Variants in APLF observed in about 807,000 individuals in gnomAD.
APLF encodes aprataxin and PNKP like factor.
Under a neutral mutation model 55.6 loss-of-function variants are expected in APLF, and 61 were observed. The ratio of observed to expected loss-of-function variants is 1.10; its 90% CI spans 0.89 to 1.36. APLF has a LOEUF of 1.36. Ranked by LOEUF, APLF falls within the 40% of genes most tolerant of loss-of-function variation. APLF has a pLI of 0.00. For synonymous variants in APLF, 207 were observed against 214.8 expected (o/e 0.96, Z 0.32); for missense variants, 611 against 602.5 (o/e 1.01, Z -0.15).
intron 7 of APLF, among the ~76,000 whole-genome samples, chr2:68,542,799 C>T (rs963281466): frequency 3.3e-5 from 5 of 152,100 alleles, no homozygotes; most frequent in African/African-American, 1.2e-4. Context: ...ATAGAAATTC[C>T]ACTTCTGGGT....
At position 68,528,416 on chromosome 2, in the gene APLF, G is replaced by A; in HGVS notation, c.804+2174G>A. ...TAGACATGGAAGCTTAGCCGGTGGG[G>A]GCCTCTCATCTCTCTCCCACCTCAG... On this transcript the variant is annotated intron_variant, in intron 6 of 9. Transcript: ENST00000303795. 9 of 1,534,338 alleles carry A rather than the reference G, an allele frequency of 5.9e-6. No homozygotes were observed. The South Asian group carries it at 9.5e-5, about 16-fold the overall frequency.
chr2:68,541,679 T>C (rs1305310848), intron 7 of APLF, among the ~76,000 whole-genome samples: 1 of 152,184 alleles, frequency 6.6e-6, no homozygotes, highest in East Asian at 1.9e-4. Context: ...GCTGTCACAG[T>C]GTGCAAGCAG....
At chr2:68,549,459 CTATT>C (rs1160604558) in intron 8 of APLF, among the ~76,000 whole-genome samples, 2 of 151,976 alleles carry the variant, frequency 1.3e-5, no homozygotes, top group Non-Finnish European at 2.9e-5. Flanking sequence ...GCTCTAATAT[CTATT>C]ATAATTATCA....
intron 8 of APLF, among the ~76,000 whole-genome samples, chr2:68,559,376 T>C (rs1324889172): frequency 6.6e-6 from 1 of 152,198 alleles, no homozygotes; most frequent in Non-Finnish European, 1.5e-5. Flanking sequence ...TTCCTTTCTG[T>C]TCTTATTTCT....
intron 5 of APLF, among the ~76,000 whole-genome samples, chr2:68,521,841 A>T (rs1669906856): frequency 6.6e-6 from 1 of 151,996 alleles, no homozygotes; most frequent in Non-Finnish European, 1.5e-5. Context: ...TCACCATGGC[A>T]ATTTGATGCA....
At chr2:68,520,513 A>G (rs957756885) in intron 5 of APLF, among the ~76,000 whole-genome samples, 1 of 152,018 alleles carries the variant, frequency 6.6e-6, no homozygotes. Flanking sequence ...ATGAGGATCC[A>G]GTTTCATTCT....
At chr2:68,482,758 G>C (rs1048668390) in intron 1 of APLF, among the ~76,000 whole-genome samples, 2 of 152,162 alleles carry the variant, frequency 1.3e-5, no homozygotes, top group African/African-American at 4.8e-5. Flanking sequence ...CCACCAGACT[G>C]TTTCCTCATT....
At chr2:68,469,867 G>A (rs992032535) in intron 1 of APLF, among the ~76,000 whole-genome samples, 2 of 152,272 alleles carry the variant, frequency 1.3e-5, no homozygotes, top group African/African-American at 4.8e-5. Context: ...TCTTAATTGG[G>A]CATGTTTTTC....
chr2:68,554,338 T>G (rs1482634034), intron 8 of APLF, among the ~76,000 whole-genome samples: 2 of 152,134 alleles, frequency 1.3e-5, no homozygotes, highest in Non-Finnish European at 2.9e-5. Flanking sequence ...CTACAGGCAT[T>G]GTTAACATTT....
Position 68,564,762 on chromosome 2 carries a change from A to G in APLF, c.1287-2579A>G, listed in dbSNP as rs114657511. On this transcript the variant is annotated intron_variant, in intron 8 of 9. Coordinates refer to ENST00000303795, the MANE Select transcript of APLF (RefSeq NM_173545.3). ...TATAGTCACTAACCTCATACTTTCA[A>G]TCATAGCATTTCTACCTATAGAATG... 5.6e-3 allele frequency among the ~76,000 whole-genome samples: 848 copies of G among 152,132 alleles called. 5 individuals carry two copies. The highest frequency in any genetic ancestry group is 0.019 in the African/African-American group (802 of 41,522).
rs953960129 is a variant in APLF, at chr2:68,559,199, G to A, written c.1287-8142G>A. Among the ~76,000 whole-genome samples, 4 of 152,066 alleles carry A rather than the reference G, an allele frequency of 2.6e-5. No individual in the cohort carries two copies. The South Asian group carries it at 8.3e-4, about 32-fold the overall frequency. Reference sequence around the variant, plus strand: ...AGGTGGATTGCTTGTGCTCTGGGGGGTCTTGATTCACTGTGGAGAGATCTA... The same window carrying A: ...AGGTGGATTGCTTGTGCTCTGGGGGATCTTGATTCACTGTGGAGAGATCTA... On this transcript the variant is annotated intron_variant, in intron 8 of 9. Coordinates refer to ENST00000303795, the MANE Select transcript of APLF (RefSeq NM_173545.3).
intron 2 of APLF, among the ~76,000 whole-genome samples, chr2:68,494,429 C>T (rs1427903229): frequency 6.6e-6 from 1 of 151,738 alleles, no homozygotes; most frequent in Admixed American, 6.6e-5. Context: ...GGGAAATAGG[C>T]ATGTCACATG....
At chr2:68,485,809 CTTTT>C (rs1189243777) in intron 1 of APLF, among the ~76,000 whole-genome samples, 2 of 129,196 alleles carry the variant, frequency 1.5e-5, no homozygotes, top group Non-Finnish European at 3.2e-5. Context: ...TTTATTATCT[CTTTT>C]TTTTTTTTTT....
At chr2:68,541,346 G>A (rs1670542271) in intron 7 of APLF, among the ~76,000 whole-genome samples, 1 of 152,108 alleles carries the variant, frequency 6.6e-6, no homozygotes, top group Non-Finnish European at 1.5e-5. Flanking sequence ...TATTAGAAGG[G>A]TGAAAAGGCA....
rs946618076 is a variant in APLF at position 68,529,170 on chromosome 2, G to GA, written c.804+2928_804+2929insA. 7.0e-6 allele frequency: 9 copies of GA among 1,292,898 alleles called. No homozygotes were observed. The African/African-American group carries it at 8.9e-5, about 13-fold the overall frequency. 80.1% of individuals were successfully genotyped at this position (1,292,898 alleles called of 1,614,324 possible). On this transcript the variant is annotated intron_variant, in intron 6 of 9. Transcript: ENST00000303795. This position sits in a 1 kb window ranked among gnomAD's most constrained non-coding sequence, Gnocchi z 4.4. ...AGCACGGGTTTCTTCCTTGAGGGGG[G>GA]GCTCCAGACAACAGGAGGCAGGACC...
At chr2:68,573,104 A>G (rs1433797035) in intron 9 of APLF, among the ~76,000 whole-genome samples, 2 of 152,200 alleles carry the variant, frequency 1.3e-5, no homozygotes, top group Non-Finnish European at 2.9e-5. Flanking sequence ...AGTAAATAAT[A>G]TGTTGTTTTA....
Position 68,578,262 on chromosome 2 carries a change from A to G in APLF, c.*240A>G. ...AGCATCTGGAAATAGGAAGACAGAG[A>G]AGGTAGAGTAAAAATGGATATTTTT... On this transcript the variant is annotated 3_prime_UTR_variant, in exon 10 of 10. Transcript: ENST00000303795. 8.1e-7 allele frequency: 1 copy of G among 1,234,848 alleles called. No individual in the cohort carries two copies. Among genetic ancestry groups the G allele is most frequent in the African/African-American group, 1.5e-5 (1 of 64,886 alleles). The allele number at this position is 1,234,848 out of a possible 1,614,324, so 76.5% of individuals were successfully genotyped here.
chr2:68,525,738 C>CT (rs1316999754), intron 5 of APLF, among the ~76,000 whole-genome samples: 148 of 106,800 alleles, frequency 1.4e-3, no homozygotes, highest in African/African-American at 6.6e-3. Flanking sequence ...TATTTTCTTT[C>CT]TTTCTTTTTT....
chr2:68,575,633 T>A (rs954263224), intron 9 of APLF, among the ~76,000 whole-genome samples: 7 of 151,470 alleles, frequency 4.6e-5, no homozygotes, highest in Non-Finnish European at 8.8e-5. Context: ...GCTAACAGGA[T>A]CTCTTGAGGT....
Sources: allele counts gnomAD v4.1 joint callset (sites outside exome capture counted in the v4.1 genomes callset), GRCh38; gene constraint gnomAD v4.1.1; non-coding constraint Gnocchi (gnomAD v3.1); transcripts MANE v1.5; gene names NCBI Gene and HGNC (gene_info 2026-07-23, HGNC 2026-07-21).